AFAP1: variants seen among roughly 807,000 people sequenced by gnomAD.
AFAP1 encodes actin filament associated protein 1, also known as actin filament-associated protein 1.
In AFAP1, 75 loss-of-function variants were observed where a neutral mutation model predicts 93.9. The ratio of observed to expected loss-of-function variants is 0.80; its 90% CI spans 0.66 to 0.97. AFAP1 has a LOEUF of 0.97. Among genes scored for constraint, AFAP1 ranks in the 50% least tolerant of loss-of-function variants. The pLI, the probability that AFAP1 is intolerant of heterozygous loss-of-function variation, is 0.00. For synonymous variants in AFAP1, 517 were observed against 430.7 expected (o/e 1.20, Z -2.48); for missense variants, 1,201 against 1,050.8 (o/e 1.14, Z -1.98).
intron 4 of AFAP1, among the ~76,000 whole-genome samples, chr4:7,853,655 C>T (rs964160374): frequency 6.6e-6 from 1 of 152,198 alleles, no homozygotes; most frequent in Non-Finnish European, 1.5e-5. Context: ...CCATGACATT[C>T]AAAATGCTTT....
chr4:7,794,418 C>A lies in AFAP1; in HGVS notation c.1267-592G>T, dbSNP rs115999315. On this transcript the variant is annotated intron_variant, in intron 10 of 17. Transcript: ENST00000420658. ...AATCACTGGGCTGCTTTAGGCACAC[C>A]ATTTTTTAAGATGTTTGCTATCTCC... Among the ~76,000 whole-genome samples the A allele has an allele frequency of 2.2e-3, 342 of 152,288 alleles. 1 individual carries two copies. The highest frequency in any genetic ancestry group is 7.8e-3 in the African/African-American group (326 of 41,554).
intron 12 of AFAP1, among the ~76,000 whole-genome samples, chr4:7,783,948 A>C (rs1717023222): frequency 6.6e-6 from 1 of 152,190 alleles, no homozygotes; most frequent in South Asian, 2.1e-4. Context: ...CTGGAGTCTA[A>C]ATCCAGTGGT....
chr4:7,761,343 A>AAAG lies in AFAP1; in HGVS notation c.*2419_*2421dup, dbSNP rs1713767366. ...TTTGTTAACGTTTGCCTCCGCTTTA[A>AAAG]AAGGCTTAGGGTTGTGGATGTGAAT... On this transcript the variant is annotated 3_prime_UTR_variant, in exon 18 of 18. Transcript: ENST00000420658. The AAAG allele has an allele frequency of 6.6e-6, 1 of 152,226 alleles. No homozygotes were observed. Among genetic ancestry groups the AAAG allele is most frequent in the African/African-American group, 2.4e-5 (1 of 41,458 alleles). The allele number at this position is 152,226 out of a possible 1,614,324, so 9.4% of individuals were successfully genotyped here. A position where few individuals can be genotyped will look rare whatever the true frequency, so the allele number is the denominator to read the frequency against.
At chr4:7,867,089 A>AGGGGAGGAG (rs1716494450) in intron 3 of AFAP1, among the ~76,000 whole-genome samples, 1 of 60,500 alleles carries the variant, frequency 1.7e-5, no homozygotes, top group African/African-American at 6.1e-5. Flanking sequence ...AGGGGAGGAG[A>AGGGGAGGAG]GGGGAGGAGA....
At chr4:7,766,404 G>A (rs146979476) in intron 17 of AFAP1, among the ~76,000 whole-genome samples, 108 of 152,266 alleles carry the variant, frequency 7.1e-4, no homozygotes, top group African/African-American at 2.3e-3. Context: ...TGTTACCTCC[G>A]CGTGGTGCCA....
Position 7,761,190 on chromosome 4 carries a change from A to T in AFAP1, c.*2575T>A, listed in dbSNP as rs1713736717. 6.6e-6 allele frequency: 1 copy of T among 152,250 alleles called. No homozygotes were observed. Among genetic ancestry groups the T allele is most frequent in the Non-Finnish European group, 1.5e-5 (1 of 68,050 alleles). The allele number at this position is 152,250 out of a possible 1,614,324, so 9.4% of individuals were successfully genotyped here. On this transcript the variant is annotated 3_prime_UTR_variant, in exon 18 of 18. Transcript: ENST00000420658. The stretch of plus-strand genomic sequence containing the variant: ...TTGAACATATACACATAAATAACTT[A>T]TTCTGAAGTAAATGCTTTAAACTTT...
chr4:7,777,442 G>A (rs920476182), intron 14 of AFAP1: 2 of 152,200 alleles, frequency 1.3e-5, no homozygotes, highest in African/African-American at 2.4e-5. Flanking sequence ...TTCAAGCCTC[G>A]TTCACGAACA....
At chr4:7,839,428 T>C (rs909570132) in intron 5 of AFAP1, among the ~76,000 whole-genome samples, 8 of 151,880 alleles carry the variant, frequency 5.3e-5, no homozygotes, top group African/African-American at 1.9e-4. Context: ...ATAAAATACA[T>C]TTATATTTAT....
chr4:7,846,319 G>C (rs1358274016), intron 4 of AFAP1, among the ~76,000 whole-genome samples: 1 of 152,210 alleles, frequency 6.6e-6, no homozygotes, highest in Non-Finnish European at 1.5e-5. Flanking sequence ...TTTACAACAA[G>C]AGGGTTTTTA....
At chr4:7,788,434 C>T (rs1336125890) in intron 11 of AFAP1, among the ~76,000 whole-genome samples, 8 of 152,248 alleles carry the variant, frequency 5.3e-5, no homozygotes, top group African/African-American at 1.7e-4. Context: ...AGCGCGTGTG[C>T]GCCCCATGCT....
chr4:7,858,754 G>C (rs571606822), intron 3 of AFAP1, among the ~76,000 whole-genome samples: 1 of 152,224 alleles, frequency 6.6e-6, no homozygotes, highest in East Asian at 1.9e-4. Context: ...AAGACTCCAC[G>C]TGCCCATTCC....
intron 17 of AFAP1, among the ~76,000 whole-genome samples, chr4:7,766,078 C>T (rs1577168884): frequency 1.3e-5 from 2 of 152,322 alleles, no homozygotes; most frequent in Admixed American, 6.5e-5. Context: ...ATCAAAAGCT[C>T]GAGTTCAACT....
At chr4:7,929,585 G>C (rs1287577577) in intron 1 of AFAP1, among the ~76,000 whole-genome samples, 3 of 152,088 alleles carry the variant, frequency 2.0e-5, no homozygotes, top group African/African-American at 7.2e-5. Context: ...CTCCCTTCCA[G>C]AAGCATGTGC....
At chr4:7,909,533 G>A (rs1462556603) in intron 1 of AFAP1, among the ~76,000 whole-genome samples, 1 of 152,186 alleles carries the variant, frequency 6.6e-6, no homozygotes, top group East Asian at 1.9e-4. Flanking sequence ...GGTAGAGATC[G>A]GAATAGAGTG....
At chr4:7,872,274 C>G (rs946110730) in intron 1 of AFAP1, 194 bp from the exon 2 acceptor site, 13 of 593,100 alleles carry the variant, frequency 2.2e-5, no homozygotes, top group East Asian at 6.1e-5. Context: ...ATGCACTACT[C>G]CTTTGCTTCT....
intron 1 of AFAP1, among the ~76,000 whole-genome samples, chr4:7,924,879 C>G (rs917185066): frequency 8.0e-6 from 1 of 125,402 alleles, no homozygotes; most frequent in African/African-American, 3.3e-5. Flanking sequence ...AACAGCCACC[C>G]TAATTTTGGC....
chr4:7,899,248 C>T (rs1024818100), intron 1 of AFAP1, among the ~76,000 whole-genome samples: 2 of 152,076 alleles, frequency 1.3e-5, no homozygotes, highest in African/African-American at 4.8e-5. Flanking sequence ...CTGATATCCT[C>T]ACAAACTTTT....
chr4:7,905,822 G>C (rs1349339369), intron 1 of AFAP1, among the ~76,000 whole-genome samples: 1 of 152,150 alleles, frequency 6.6e-6, no homozygotes, highest in Non-Finnish European at 1.5e-5. Flanking sequence ...TCCATACCCC[G>C]TCCCATTTCT....
intron 3 of AFAP1, among the ~76,000 whole-genome samples, chr4:7,856,989 C>G (rs2149145546): frequency 6.6e-6 from 1 of 152,322 alleles, no homozygotes; most frequent in Admixed American, 6.5e-5. Flanking sequence ...AAATCAGACA[C>G]TAGTAACTGC....
Sources: allele counts gnomAD v4.1 joint callset (sites outside exome capture counted in the v4.1 genomes callset), GRCh38; gene constraint gnomAD v4.1.1; transcripts MANE v1.5; gene names NCBI Gene and HGNC (gene_info 2026-07-23, HGNC 2026-07-21).